The following HNF4G variants were observed in gnomAD, a reference collection of about 807,000 sequenced individuals.
HNF4G encodes hepatocyte nuclear factor 4-gamma.
A neutral mutation model predicts 50.9 loss-of-function variants in HNF4G; 21 were observed. The ratio of observed to expected loss-of-function variants is 0.41; its 90% confidence interval spans 0.29 to 0.59. HNF4G has a LOEUF of 0.59. Ranked by LOEUF, HNF4G falls within the 20% of genes least tolerant of loss-of-function variation. The pLI, the probability that HNF4G is intolerant of heterozygous loss-of-function variation, is 0.26. For synonymous variants in HNF4G, 198 were observed against 185.6 expected (o/e 1.07, Z -0.54); for missense variants, 527 against 559.4 (o/e 0.94, Z 0.58).
chr8:75,520,863 A>G (rs1188752183), intron 2 of HNF4G, among the ~76,000 whole-genome samples: 1 of 152,092 alleles, frequency 6.6e-6, no homozygotes, highest in East Asian at 1.9e-4. Flanking sequence ...TTATTTTTCT[A>G]TAAAGGTAGC....
At chr8:75,525,180 T>A (rs955689649) in intron 2 of HNF4G, among the ~76,000 whole-genome samples, 2 of 152,126 alleles carry the variant, frequency 1.3e-5, no homozygotes, top group Admixed American at 1.3e-4. Flanking sequence ...TCTTTTCTGA[T>A]TTTTTTCGAG....
Position 75,506,787 on chromosome 8 carries a change from T to C in HNF4G, c.-24+16579T>C, listed in dbSNP as rs180844510. Among the ~76,000 whole-genome samples the C allele has an allele frequency of 4.6e-5, 7 of 152,300 alleles. No individual in the cohort carries two copies. In the East Asian group the frequency reaches 1.4e-3, roughly 29 times the overall value. On this transcript the variant is annotated intron_variant, in intron 2 of 10. Transcript: ENST00000354370. ...ATTATTTTCCGCTTCCAGACAATTTTGTGATAGAGTGCAAAGACAAATTCT... is the reference window on the plus strand; with the variant it reads ...ATTATTTTCCGCTTCCAGACAATTTCGTGATAGAGTGCAAAGACAAATTCT...
At chr8:75,527,319 T>C (rs891959474) in intron 2 of HNF4G, among the ~76,000 whole-genome samples, 58 of 152,212 alleles carry the variant, frequency 3.8e-4, no homozygotes, top group African/African-American at 1.3e-3. Flanking sequence ...ATCAACAATA[T>C]ATATTAAATC....
intron 1 of HNF4G, among the ~76,000 whole-genome samples, chr8:75,410,919 C>T (rs542629556): frequency 9.9e-5 from 15 of 152,240 alleles, no homozygotes; most frequent in Middle Eastern, 3.4e-3. Context: ...TTAAAGAATA[C>T]GCACGCACAC....
chr8:75,505,240 T>C (rs1019793170), intron 2 of HNF4G, among the ~76,000 whole-genome samples: 1 of 152,162 alleles, frequency 6.6e-6, no homozygotes, highest in African/African-American at 2.4e-5. Flanking sequence ...TTGGTGGACC[T>C]TTGACAAGTC....
At chr8:75,507,911 T>A (rs543895420) in intron 2 of HNF4G, among the ~76,000 whole-genome samples, 1 of 151,940 alleles carries the variant, frequency 6.6e-6, no homozygotes, top group African/African-American at 2.4e-5. Context: ...AAAACTAAAA[T>A]ATGTGGAGAA....
chr8:75,509,904 T>C (rs533037779), intron 2 of HNF4G, among the ~76,000 whole-genome samples: 11 of 152,350 alleles, frequency 7.2e-5, no homozygotes, highest in African/African-American at 2.4e-4. Flanking sequence ...CTGGTTTATG[T>C]ATTTACTATA....
chr8:75,505,962 C>T (rs2943560), intron 2 of HNF4G, among the ~76,000 whole-genome samples: 42,564 of 151,626 alleles, frequency 0.28, 7,435 homozygotes, highest in African/African-American at 0.5. Context: ...CTCTAGAGTT[C>T]AAGATTCTTG....
At chr8:75,437,413 C>T (rs1472795014) in intron 1 of HNF4G, among the ~76,000 whole-genome samples, 1 of 152,122 alleles carries the variant, frequency 6.6e-6, no homozygotes, top group African/African-American at 2.4e-5. Context: ...TCTACAATCC[C>T]TCTAGAAATC....
chr8:75,440,903 G>A (rs1242253731), intron 1 of HNF4G, among the ~76,000 whole-genome samples: 1 of 151,892 alleles, frequency 6.6e-6, no homozygotes, highest in East Asian at 1.9e-4. Context: ...TATTGCCCAG[G>A]CTGGAGTGCA....
At chr8:75,441,246 C>CTTTTTTTT (rs112258720) in intron 1 of HNF4G, among the ~76,000 whole-genome samples, 1 of 142,290 alleles carries the variant, frequency 7.0e-6, no homozygotes, top group Non-Finnish European at 1.5e-5. Context: ...AAGATTAGAA[C>CTTTTTTTT]TTTTTTTTTT....
intron 1 of HNF4G, among the ~76,000 whole-genome samples, chr8:75,414,459 A>C (rs1810581772): frequency 6.6e-6 from 1 of 152,162 alleles, no homozygotes; most frequent in African/African-American, 2.4e-5. Flanking sequence ...TATACCCATG[A>C]AATCACCACA....
chr8:75,502,143 G>A (rs549714140), intron 2 of HNF4G, among the ~76,000 whole-genome samples: 48 of 152,166 alleles, frequency 3.2e-4, no homozygotes, highest in African/African-American at 8.4e-4. Flanking sequence ...GAGCCACCGC[G>A]CCTGGCCCTG....
intron 2 of HNF4G, among the ~76,000 whole-genome samples, chr8:75,510,981 G>A (rs974690491): frequency 1.3e-5 from 2 of 151,892 alleles, no homozygotes; most frequent in Admixed American, 6.6e-5. Context: ...GTATCTTGAT[G>A]CACAAAAGTT....
intron 2 of HNF4G, among the ~76,000 whole-genome samples, chr8:75,546,669 G>T (rs1322864377): frequency 6.6e-6 from 1 of 152,026 alleles, no homozygotes; most frequent in Non-Finnish European, 1.5e-5. Context: ...GGCTGCCAAG[G>T]TTTATCCCTG....
At chr8:75,535,949 G>T (rs1282347205), upstream of HNF4G, among the ~76,000 whole-genome samples, 1 of 151,832 alleles carries the variant, frequency 6.6e-6, no homozygotes, top group East Asian at 1.9e-4. Flanking sequence ...TTGCTCTAAA[G>T]AAATTTAAAT....
intron 2 of HNF4G, among the ~76,000 whole-genome samples, chr8:75,518,588 A>G (rs62523461): frequency 0.25 from 37,406 of 152,016 alleles, 4,902 homozygotes; most frequent in South Asian, 0.32. Context: ...CTGCAGGCCC[A>G]ATACCACCTG....
At chr8:75,498,304 T>G (rs553672679) in intron 2 of HNF4G, among the ~76,000 whole-genome samples, 39 of 152,196 alleles carry the variant, frequency 2.6e-4, no homozygotes, top group African/African-American at 9.1e-4. Context: ...ATTTGATAAC[T>G]TAGATGAAAT....
rs1005110787 is a variant in HNF4G, at chr8:75,565,093, T to C, written c.*997T>C. On this transcript the variant is annotated 3_prime_UTR_variant, in exon 10 of 10. Transcript: ENST00000396423. ...TTTATAAATAAGGGAAACTTTAGCT[T>C]GAGGGTTTAAGGAACATAACCAAAG... The C allele has an allele frequency of 5.9e-5, 9 of 152,188 alleles. No individual in the cohort carries two copies. The highest frequency in any genetic ancestry group is 2.2e-4 in the African/African-American group (9 of 41,450). The allele number at this position is 152,188 out of a possible 1,614,324, so 9.4% of individuals were successfully genotyped here.
Sources: gnomAD v4.1 joint callset for allele counts (sites outside exome capture counted in the v4.1 genomes callset) on GRCh38, gnomAD v4.1.1 for gene constraint, MANE v1.5 for transcripts, NCBI Gene and HGNC (gene_info 2026-07-23, HGNC 2026-07-21) for gene names.